The following MICALL2 variants were observed in gnomAD, a reference collection of about 807,000 sequenced individuals.
The protein encoded by MICALL2 is MICAL-like protein 2.
In MICALL2, 111 loss-of-function variants were observed where a neutral mutation model predicts 91.1. The observed-to-expected ratio is 1.22, with a 90% confidence interval of 1.04 to 1.43. The LOEUF (loss-of-function observed/expected upper bound fraction) is 1.43, where lower values mean the gene tolerates loss of function less well. Among genes scored for constraint, MICALL2 ranks in the 40% most tolerant of loss-of-function variants. The pLI is 0.00. For synonymous variants in MICALL2, 694 were observed against 525.3 expected (o/e 1.32, Z -4.39); for missense variants, 1,556 against 1,236.0 (o/e 1.26, Z -3.88).
intron 3 of MICALL2, among the ~76,000 whole-genome samples, chr7:1,448,287 T>C (rs1434537511): frequency 6.6e-6 from 1 of 152,244 alleles, no homozygotes; most frequent in Non-Finnish European, 1.5e-5. Context: ...ATGGGCAAAC[T>C]GAGGCCCATG....
In MICALL2 at chr7:1,459,281, C is replaced by A; in HGVS notation, c.46G>T (p.Glu16Ter). The A allele has an allele frequency of 1.9e-6, 3 of 1,604,918 alleles. No individual in the cohort carries two copies. Among genetic ancestry groups the A allele is most frequent in the Non-Finnish European group, 1.7e-6 (2 of 1,176,696 alleles). Residue 16 changes from glutamate to a stop codon, truncating the protein, a stop_gained, in exon 1 of 17, where the codon GAG becomes TAG. Transcript: ENST00000297508. LOFTEE classifies it high-confidence loss of function. ...CAGATATTCACGTCGCGGTAGCCCT[C>A]GCACTGCTGCCGGCACCACTGTTGC... is the stretch of plus-strand genomic sequence containing the variant. ...ALQQWCRQQC[E>*]GYRDVNICNM...
At chr7:1,436,007 GC>G (rs1191505199) in intron 15 of MICALL2, among the ~76,000 whole-genome samples, 3 of 135,286 alleles carry the variant, frequency 2.2e-5, no homozygotes, top group African/African-American at 3.4e-5. Flanking sequence ...AGCCGAGATT[GC>G]GGCCACTGCA....
chr7:1,437,694 T>C, intron 13 of MICALL2, 86 bp from the exon 14 acceptor site: 5 of 1,408,410 alleles, frequency 3.6e-6, no homozygotes, highest in Non-Finnish European at 3.9e-6. Flanking sequence ...GTCCTGGACC[T>C]GCCACACAGA....
chr7:1,447,289 A>T (rs1317532673), intron 4 of MICALL2, among the ~76,000 whole-genome samples: 1 of 152,006 alleles, frequency 6.6e-6, no homozygotes, highest in Non-Finnish European at 1.5e-5. Context: ...TAGCCCAGCA[A>T]CCCTTCTCTC....
At position 1,438,295 on chromosome 7, in the gene MICALL2, T is replaced by G. The variant is rs775490525; in HGVS notation, c.2181A>C (p.Pro727=). ...PALPGETVTS[P]VRLHPDYLSP... is the part of the protein sequence containing the mutation. ...GCTCCCCACCACTACTCACCCTGAC[T>G]GGGGAGGTCACCGTCTCGCCAGGCA... The change falls in exon 11 of 17, where the codon CCA becomes CCC. Residue 727 remains proline, a synonymous_variant. Transcript: ENST00000297508. The G allele has an allele frequency of 7.6e-5, 121 of 1,600,104 alleles. No homozygotes were observed. The highest frequency in any genetic ancestry group is 8.9e-5 in the Non-Finnish European group (105 of 1,174,164).
In MICALL2 at chr7:1,452,262, T is replaced by C. The variant is rs927498890; in HGVS notation, c.144-1974A>G. 6.6e-6 allele frequency among the ~76,000 whole-genome samples: 1 copy of C among 152,108 alleles called. No homozygotes were observed. The highest frequency in any genetic ancestry group is 2.4e-5 in the African/African-American group (1 of 41,422). On this transcript the variant is annotated intron_variant, in intron 1 of 16. Coordinates refer to ENST00000297508, the MANE Select transcript of MICALL2 (RefSeq NM_182924.4). This position sits in a 1 kb window ranked among gnomAD's most constrained non-coding sequence, Gnocchi z 6.2. The stretch of plus-strand genomic sequence containing the variant: ...CTGGGCTCAGTGGCAGCGAAAGCGG[T>C]TTCCGTCTGCTCGGGCCTGGGCCGA...
chr7:1,447,624 G>T lies in MICALL2; in HGVS notation c.476C>A (p.Pro159His). The change falls in exon 4 of 17, where the codon CCT (proline) becomes CAT (histidine). Residue 159 changes from proline to histidine, a missense_variant. Physicochemically the swap from Pro to His is moderately conservative, Grantham distance 77. Transcript: ENST00000297508. ...KPPLSPAQTNPVVQRRNEGAG... is the reference protein window; with the variant it reads ...KPPLSPAQTNHVVQRRNEGAG... The stretch of plus-strand genomic sequence containing the variant: ...ACCCTCATTCCTCCTCTGGACCACA[G>T]GGTTTGTCTGGGCTGGAGATAGTGG... 6.3e-7 allele frequency: 1 copy of T among 1,598,346 alleles called. No individual in the cohort carries two copies. The highest frequency in any genetic ancestry group is 8.5e-7 in the Non-Finnish European group (1 of 1,173,438).
chr7:1,452,608 C>T lies in MICALL2; in HGVS notation c.144-2320G>A, dbSNP rs1018225367. On this transcript the variant is annotated intron_variant, in intron 1 of 16. Transcript: ENST00000297508. The surrounding 1 kb of genome is among the most constrained non-coding windows in gnomAD (Gnocchi z 6.2). ...GCTGTCTGCCTCCCGCACTTGTTTC[C>T]GTCCACCCCAGGGGCCAGCAGCGGC... 2.6e-5 allele frequency among the ~76,000 whole-genome samples: 4 copies of T among 152,172 alleles called. No homozygotes were observed. The highest frequency in any genetic ancestry group is 1.3e-4 in the Admixed American group (2 of 15,282).
chr7:1,447,641 AG>A lies in MICALL2; in HGVS notation c.458del (p.Ser153PhefsTer100), dbSNP rs1562462937. 1 of 1,596,892 alleles carries A rather than the reference AG, an allele frequency of 6.3e-7. No homozygotes were observed. The highest frequency in any genetic ancestry group is 1.3e-5 in the African/African-American group (1 of 74,670). Reference sequence around the variant, plus strand: ...GGACCACAGGGTTTGTCTGGGCTGGAGATAGTGGAGGCTTCCGGGCTGGGGC... The same window carrying A: ...GGACCACAGGGTTTGTCTGGGCTGGAATAGTGGAGGCTTCCGGGCTGGGGC... ...SPAPARKPPLSPAQTNPVVQR... is the reference protein window; with the variant it reads ...SPAPARKPPLXPAQTNPVVQR... On this transcript the variant is annotated frameshift_variant, in exon 4 of 17. Transcript: ENST00000297508. LOFTEE classifies it high-confidence loss of function.
At chr7:1,459,095 T>TC in intron 1 of MICALL2, 89 bp downstream of exon 1, 1 of 1,378,098 alleles carries the variant, frequency 7.3e-7, no homozygotes, top group Non-Finnish European at 9.9e-7. Context: ...CGGCTCCCCA[T>TC]CCCCCAGCCG....
chr7:1,458,368 G>C (rs557552616), intron 1 of MICALL2, among the ~76,000 whole-genome samples: 1 of 152,210 alleles, frequency 6.6e-6, no homozygotes, highest in Non-Finnish European at 1.5e-5. Flanking sequence ...TGCCCAGAAG[G>C]TGCCTGGGCT....
chr7:1,440,745 A>G, intron 7 of MICALL2, 61 bp from the exon 8 acceptor site: 2 of 1,438,272 alleles, frequency 1.4e-6, no homozygotes, highest in Non-Finnish European at 1.9e-6. Context: ...GGTGTCTGCA[A>G]GGGTGGCTGT....
chr7:1,454,203 G>A (rs1434870302), intron 1 of MICALL2, among the ~76,000 whole-genome samples: 3 of 152,052 alleles, frequency 2.0e-5, no homozygotes, highest in Non-Finnish European at 4.4e-5. Flanking sequence ...GGAAGGGAAG[G>A]AGCCCCAGCC....
intron 3 of MICALL2, 65 bp downstream of exon 3, chr7:1,448,555 T>G: frequency 6.3e-7 from 1 of 1,593,140 alleles, no homozygotes. Context: ...TCCACAGGCC[T>G]GGGAGCCAGG....
chr7:1,445,437 G>A lies in MICALL2; in HGVS notation c.642-9C>T, dbSNP rs772659946. The A allele has an allele frequency of 1.1e-5, 16 of 1,520,626 alleles. No individual in the cohort carries two copies. Among genetic ancestry groups the A allele is most frequent in the Middle Eastern group, 2.1e-4 (1 of 4,724 alleles). 94.2% of individuals were successfully genotyped at this position (1,520,626 alleles called of 1,614,324 possible). On this transcript the variant is annotated splice_polypyrimidine_tract_variant and intron_variant, in intron 5 of 16. Coordinates refer to ENST00000297508, the MANE Select transcript of MICALL2 (RefSeq NM_182924.4). The stretch of plus-strand genomic sequence containing the variant: ...AGGAGCACTGCTTACACCTGGGGGA[G>A]GAAAGGCACAGGAGCCCCAGCTCGG...
intron 15 of MICALL2, 120 bp from the exon 16 acceptor site, chr7:1,435,267 C>T: frequency 3.3e-6 from 3 of 914,186 alleles, no homozygotes; most frequent in Non-Finnish European, 5.2e-6. Context: ...CCCATGCCAC[C>T]TGCCCCTTCC....
At chr7:1,440,926 C>A (rs970090818) in intron 7 of MICALL2, 1 of 515,230 alleles carries the variant, frequency 1.9e-6, no homozygotes, top group Non-Finnish European at 3.6e-6. Flanking sequence ...GCCTCAACTT[C>A]CCCTTCTGCC....
At chr7:1,457,896 C>T (rs996251333) in intron 1 of MICALL2, among the ~76,000 whole-genome samples, 2 of 152,394 alleles carry the variant, frequency 1.3e-5, no homozygotes, top group Middle Eastern at 6.8e-3. Context: ...CTCCCCATTC[C>T]GGGTCCTTCT....
intron 8 of MICALL2, 197 bp from the exon 9 acceptor site, chr7:1,440,282 C>T (rs779094059): frequency 3.3e-5 from 23 of 690,538 alleles, no homozygotes; most frequent in Middle Eastern, 4.0e-4. Context: ...TGCCGTGGTG[C>T]GAAGCAGATT....
Sources: gnomAD v4.1 joint callset for allele counts (sites outside exome capture counted in the v4.1 genomes callset) on GRCh38, gnomAD v4.1.1 for gene constraint, Gnocchi (gnomAD v3.1) non-coding constraint, MANE v1.5 for transcripts, NCBI Gene and HGNC (gene_info 2026-07-23, HGNC 2026-07-21) for gene names.